PRKG1: variants seen among roughly 807,000 people sequenced by gnomAD.
PRKG1 encodes the protein protein kinase cGMP-dependent 1.
Under a neutral mutation model 88.1 loss-of-function variants are expected in PRKG1, and 35 were observed. That is an observed-to-expected ratio of 0.40 (90% confidence interval 0.30 to 0.53). The LOEUF (loss-of-function observed/expected upper bound fraction) is 0.53, where lower values mean the gene tolerates loss of function less well. Among genes scored for constraint, PRKG1 ranks in the 20% least tolerant of loss-of-function variants. The pLI is 0.59. For synonymous variants in PRKG1, 303 were observed against 292.5 expected, an observed-to-expected ratio of 1.04 and a Z score of -0.37; for missense variants, 540 against 839.8, an observed-to-expected ratio of 0.64 and a Z score of 4.41.
At chr10:52,127,269 A>C (rs16927026) in intron 7 of PRKG1, among the ~76,000 whole-genome samples, 1 of 152,120 alleles carries the variant, frequency 6.6e-6, no homozygotes, top group South Asian at 2.1e-4. Context: ...TAGGGAACCC[A>C]AGGAAAACAG....
intron 5 of PRKG1, among the ~76,000 whole-genome samples, chr10:52,024,716 G>A (rs976909309): frequency 6.6e-6 from 1 of 151,974 alleles, no homozygotes; most frequent in Non-Finnish European, 1.5e-5. Context: ...CATTTTCTTA[G>A]TCCAGTCTAT....
chr10:52,127,893 A>G (rs1450138355), intron 7 of PRKG1, among the ~76,000 whole-genome samples: 2 of 152,150 alleles, frequency 1.3e-5, no homozygotes, highest in African/African-American at 2.4e-5. Context: ...ACCTGATATG[A>G]CTTTTCCTTA....
At chr10:51,239,334 G>A (rs1447020430) in intron 2 of PRKG1, among the ~76,000 whole-genome samples, 1 of 152,184 alleles carries the variant, frequency 6.6e-6, no homozygotes, top group Non-Finnish European at 1.5e-5. Context: ...AAAATAACTA[G>A]CAGGAGAAGA....
chr10:51,628,039 CTTCCTTCT>C (rs1839408839), intron 3 of PRKG1, among the ~76,000 whole-genome samples: 1 of 118,054 alleles, frequency 8.5e-6, no homozygotes, highest in Admixed American at 8.7e-5. Flanking sequence ...TCTTTCTTTC[CTTCCTTCT>C]TTCCTTTCCT....
rs1838931078 is a variant in PRKG1 at position 52,178,673 on chromosome 10, C to T, written c.1076+16710C>T. Among the ~76,000 whole-genome samples, 2 of 152,022 alleles carry T rather than the reference C, an allele frequency of 1.3e-5. 1 individual carries two copies. The highest frequency in any genetic ancestry group is 1.3e-4 in the Admixed American group (2 of 15,256). ...AATATTTGCTCTATATATCTGGGTGCTCTGGCATTAAATGCATATAGATTT... is the reference window on the plus strand; with the variant it reads ...AATATTTGCTCTATATATCTGGGTGTTCTGGCATTAAATGCATATAGATTT... On this transcript the variant is annotated intron_variant, in intron 9 of 17. Transcript: ENST00000373980.
intron 4 of PRKG1, among the ~76,000 whole-genome samples, chr10:51,813,824 C>T (rs1839517190): frequency 6.6e-6 from 1 of 152,132 alleles, no homozygotes; most frequent in Admixed American, 6.5e-5. Flanking sequence ...TCTCTCAGTG[C>T]CCTCCTCCCA....
chr10:51,000,070 T>C (rs1010609461), intron 1 of PRKG1, among the ~76,000 whole-genome samples: 24 of 152,168 alleles, frequency 1.6e-4, no homozygotes, highest in African/African-American at 3.4e-4. Context: ...CAGAGAAAAA[T>C]ATCACTCCAA....
rs868313519 is a variant in PRKG1, at chr10:51,670,618, C to A, written c.593-133967C>A. On this transcript the variant is annotated intron_variant, in intron 3 of 17. Coordinates refer to ENST00000373980, the MANE Select transcript of PRKG1 (RefSeq NM_006258.4). The stretch of plus-strand genomic sequence containing the variant: ...GGGCGTAGTGGCGGGCGCCTGTAGT[C>A]CCAGCTACTTGGGAGGCTGAGGCAG... Among the ~76,000 whole-genome samples the A allele has an allele frequency of 3.0e-4, 44 of 148,518 alleles. 1 individual carries two copies. In the Middle Eastern group the frequency reaches 0.024, roughly 81 times the overall value.
chr10:51,163,458 C>T (rs981010998), intron 2 of PRKG1, among the ~76,000 whole-genome samples: 32 of 152,242 alleles, frequency 2.1e-4, no homozygotes, highest in Non-Finnish European at 3.7e-4. Flanking sequence ...CCAGCATGAG[C>T]GACGCAGAAG....
chr10:51,205,750 T>C (rs1370759430), intron 2 of PRKG1, among the ~76,000 whole-genome samples: 1 of 151,908 alleles, frequency 6.6e-6, no homozygotes, highest in African/African-American at 2.4e-5. Context: ...GCCAGGCTGG[T>C]CTCAAGCTCC....
At chr10:51,111,744 A>G (rs368687200) in intron 1 of PRKG1, among the ~76,000 whole-genome samples, 2 of 152,278 alleles carry the variant, frequency 1.3e-5, no homozygotes, top group East Asian at 1.9e-4. Context: ...ACATATTTTA[A>G]AAGAGATATT....
At chr10:52,150,149 A>AAATAATAATAATAATAATAATAAT (rs67354776) in intron 8 of PRKG1, among the ~76,000 whole-genome samples, 34 of 82,390 alleles carry the variant, frequency 4.1e-4, no homozygotes, top group African/African-American at 7.4e-4. Context: ...CTCCATCTCA[A>AAATAATAATAATAATAATAATAAT]AATAATAATA....
intron 1 of PRKG1, among the ~76,000 whole-genome samples, chr10:51,045,896 T>A (rs1843483168): frequency 6.6e-6 from 1 of 152,218 alleles, no homozygotes; most frequent in African/African-American, 2.4e-5. Flanking sequence ...AAAAAATTGA[T>A]AGTTTACTTT....
intron 2 of PRKG1, among the ~76,000 whole-genome samples, chr10:51,450,529 C>A (rs1300239592): frequency 3.3e-5 from 5 of 151,910 alleles, no homozygotes; most frequent in African/African-American, 9.7e-5. Flanking sequence ...AGTGCTCCAG[C>A]CAACTAACTT....
At chr10:52,114,071 T>G (rs1470010585) in intron 7 of PRKG1, among the ~76,000 whole-genome samples, 1 of 152,078 alleles carries the variant, frequency 6.6e-6, no homozygotes, top group Non-Finnish European at 1.5e-5. Context: ...GAGGAGTGTT[T>G]TTTGCATAAT....
At chr10:51,163,677 G>A (rs182637632) in intron 2 of PRKG1, among the ~76,000 whole-genome samples, 3,302 of 152,274 alleles carry the variant, frequency 0.022, 69 homozygotes, top group Non-Finnish European at 0.031. Flanking sequence ...CTGGAAAATC[G>A]GGTCACTCCC....
chr10:51,797,403 T>C (rs1279081453), intron 3 of PRKG1, among the ~76,000 whole-genome samples: 1 of 146,258 alleles, frequency 6.8e-6, no homozygotes, highest in African/African-American at 2.5e-5. Flanking sequence ...TTTATTATAT[T>C]ATTTATAATA....
intron 3 of PRKG1, among the ~76,000 whole-genome samples, chr10:51,727,548 T>C (rs1842167151): frequency 6.6e-6 from 1 of 152,194 alleles, no homozygotes; most frequent in South Asian, 2.1e-4. Flanking sequence ...TGGGATTCCG[T>C]TGACATTAAT....
At chr10:51,061,466 G>A (rs538355775) in intron 1 of PRKG1, among the ~76,000 whole-genome samples, 1 of 152,262 alleles carries the variant, frequency 6.6e-6, no homozygotes, top group Admixed American at 6.5e-5. Context: ...TATATTTATT[G>A]TGCTAGTCAT....
Sources: gnomAD v4.1 joint callset for allele counts (sites outside exome capture counted in the v4.1 genomes callset) on GRCh38, gnomAD v4.1.1 for gene constraint, MANE v1.5 for transcripts, NCBI Gene and HGNC (gene_info 2026-07-23, HGNC 2026-07-21) for gene names.